TMEM168: variants seen among roughly 807,000 people sequenced by gnomAD.
The protein encoded by TMEM168 is transmembrane protein 168.
A neutral mutation model predicts 53.2 loss-of-function variants in TMEM168; 40 were observed. That is an observed-to-expected ratio of 0.75 (90% CI 0.58 to 0.98). The LOEUF is 0.98. Ranked by LOEUF, TMEM168 falls within the 50% of genes least tolerant of loss-of-function variation. The pLI is 0.00. For missense variants in TMEM168, 771 were observed against 828.8 expected, an observed-to-expected ratio of 0.93 and a Z score of 0.86; for synonymous variants, 282 against 293.0, an observed-to-expected ratio of 0.96 and a Z score of 0.38.
intron 4 of TMEM168, among the ~76,000 whole-genome samples, chr7:112,769,418 A>G (rs1584435350): frequency 6.6e-6 from 1 of 152,206 alleles, no homozygotes; most frequent in Admixed American, 6.5e-5. Flanking sequence ...AGAAGATGAC[A>G]CAGATTACAA....
At chr7:112,779,823 T>G (rs1325789684) in intron 2 of TMEM168, among the ~76,000 whole-genome samples, 1 of 152,236 alleles carries the variant, frequency 6.6e-6, no homozygotes, top group Non-Finnish European at 1.5e-5. Context: ...ATTTTTAAAA[T>G]GTAACATTTA....
At chr7:112,773,105 T>A in intron 3 of TMEM168, 50 bp from the exon 4 acceptor site, 1 of 1,516,978 alleles carries the variant, frequency 6.6e-7, no homozygotes, top group South Asian at 1.3e-5. Flanking sequence ...CACATTCTCA[T>A]CTGTCATTTG....
rs772721466 is a variant in TMEM168 at position 112,767,182 on chromosome 7, G to T, written c.*15C>A. 6.3e-7 allele frequency: 1 copy of T among 1,599,108 alleles called. No individual in the cohort carries two copies. Among genetic ancestry groups the T allele is most frequent in the Admixed American group, 1.7e-5 (1 of 58,048 alleles). On this transcript the variant is annotated 3_prime_UTR_variant, in exon 5 of 5. Transcript: ENST00000312814. ...TAGTATGAGTGCTTATTAATATCCCGCTTTGGGGTCCAAATTAAGATTTGA... is the reference window on the plus strand; with the variant it reads ...TAGTATGAGTGCTTATTAATATCCCTCTTTGGGGTCCAAATTAAGATTTGA...
intron 4 of TMEM168, among the ~76,000 whole-genome samples, chr7:112,772,452 A>G (rs1025510162): frequency 6.6e-6 from 1 of 152,214 alleles, no homozygotes; most frequent in Non-Finnish European, 1.5e-5. Context: ...ATCTGCATCC[A>G]TAACATTTAA....
intron 1 of TMEM168, among the ~76,000 whole-genome samples, chr7:112,785,826 T>C (rs2116308053): frequency 6.6e-6 from 1 of 152,264 alleles, no homozygotes; most frequent in African/African-American, 2.4e-5. Flanking sequence ...CTATAATAAT[T>C]CTTCAAAATT....
intron 2 of TMEM168, chr7:112,778,578 T>A (rs1793152134): frequency 6.6e-6 from 1 of 152,212 alleles, no homozygotes; most frequent in African/African-American, 2.4e-5. Flanking sequence ...CTTCTCAATC[T>A]TCAGTATGTT....
Position 112,783,781 on chromosome 7 carries a change from TC to T in TMEM168, c.1044del (p.Met349CysfsTer6), listed in dbSNP as rs1224259658. ...TCTGAAATCAAGCAAAAATGGCGCA[TC>T]CCTTTGGATGCCATGATTCTATCAA... Reference protein sequence around the residue: ...NSLDRIMASKGMRHFCLISEQ... With the variant: ...NSLDRIMASKXMRHFCLISEQ... On this transcript the variant is annotated frameshift_variant, in exon 2 of 5. Transcript: ENST00000312814. LOFTEE classifies it high-confidence loss of function. 1 of 1,587,716 alleles carries T rather than the reference TC, an allele frequency of 6.3e-7. No homozygotes were observed. The highest frequency in any genetic ancestry group is 1.4e-5 in the African/African-American group (1 of 73,672).
rs934376309 is a variant in TMEM168 at position 112,784,580 on chromosome 7, A to G, written c.246T>C (p.Tyr82=). 5 of 1,613,820 alleles carry G rather than the reference A, an allele frequency of 3.1e-6. No homozygotes were observed. The Admixed American group carries it at 8.3e-5, about 27-fold the overall frequency. ...LFVLGIASIL[Y]YYFSMEAASL... is the part of the protein sequence containing the mutation. ...TTGCTGCTTCCATTGAAAAATAGTAATAGAGTATGCTGGCGATTCCAAGAA... is the reference window on the plus strand; with the variant it reads ...TTGCTGCTTCCATTGAAAAATAGTAGTAGAGTATGCTGGCGATTCCAAGAA... Residue 82 remains tyrosine, a synonymous_variant, in exon 2 of 5, where the codon TAT becomes TAC. Transcript: ENST00000312814.
chr7:112,780,477 T>C (rs568532790), intron 2 of TMEM168, among the ~76,000 whole-genome samples: 2 of 152,294 alleles, frequency 1.3e-5, no homozygotes, highest in South Asian at 4.1e-4. Flanking sequence ...GGAACATCCA[T>C]ACAATGGGAT....
chr7:112,785,207 G>A (rs747890377), intron 1 of TMEM168, among the ~76,000 whole-genome samples: 3 of 152,190 alleles, frequency 2.0e-5, no homozygotes, highest in Non-Finnish European at 4.4e-5. Context: ...AGATGGTGAA[G>A]AATTCACCTA....
Position 112,763,386 on chromosome 7 carries a change from G to A in TMEM168, c.*3811C>T, listed in dbSNP as rs1438870466. 6.6e-6 allele frequency: 1 copy of A among 151,966 alleles called. No homozygotes were observed. The highest frequency in any genetic ancestry group is 6.6e-5 in the Admixed American group (1 of 15,250). 9.4% of individuals were successfully genotyped at this position (151,966 alleles called of 1,614,324 possible). ...ATTCCAATTTCTCCTTAGGATTCTA[G>A]ATTTATTCACTCAGTCCAAAATATT... On this transcript the variant is annotated 3_prime_UTR_variant, in exon 5 of 5. Transcript: ENST00000312814.
In TMEM168 at chr7:112,765,819, T is replaced by C. The variant is rs1285882278; in HGVS notation, c.*1378A>G. Reference sequence around the variant, plus strand: ...TCAGACTATAACAATGCTGCATAGATAGTGGTATACAAGTTCCCTGACTCT... The same window carrying C: ...TCAGACTATAACAATGCTGCATAGACAGTGGTATACAAGTTCCCTGACTCT... On this transcript the variant is annotated 3_prime_UTR_variant, in exon 5 of 5. Coordinates refer to ENST00000312814, the MANE Select transcript of TMEM168 (RefSeq NM_022484.6). The C allele has an allele frequency of 6.6e-6, 1 of 151,818 alleles. No homozygotes were observed. The highest frequency in any genetic ancestry group is 1.5e-5 in the Non-Finnish European group (1 of 68,016). The allele number at this position is 151,818 out of a possible 1,614,324, so 9.4% of individuals were successfully genotyped here. A position where few individuals can be genotyped will look rare whatever the true frequency, so the allele number is the denominator to read the frequency against.
In TMEM168 at chr7:112,764,688, A is replaced by G. The variant is rs1322284531; in HGVS notation, c.*2509T>C. 1 of 151,472 alleles carries G rather than the reference A, an allele frequency of 6.6e-6. No homozygotes were observed. The highest frequency in any genetic ancestry group is 1.5e-5 in the Non-Finnish European group (1 of 68,040). The allele number at this position is 151,472 out of a possible 1,614,324, so 9.4% of individuals were successfully genotyped here. On this transcript the variant is annotated 3_prime_UTR_variant, in exon 5 of 5. Coordinates refer to ENST00000312814, the MANE Select transcript of TMEM168 (RefSeq NM_022484.6). ...GCTGATTTTTTTATTTTTAGTAGAG[A>G]TGGGGTTTCACCATGTTGGCCAGAT...
Position 112,765,200 on chromosome 7 carries a change from C to A in TMEM168, c.*1997G>T, listed in dbSNP as rs1448614544. Reference sequence around the variant, plus strand: ...TTTTGTTTGTTTGGGTAGGAGAATTCATCAAAGTGGACATTCTATAAATTT... The same window carrying A: ...TTTTGTTTGTTTGGGTAGGAGAATTAATCAAAGTGGACATTCTATAAATTT... On this transcript the variant is annotated 3_prime_UTR_variant, in exon 5 of 5. Transcript: ENST00000312814. 6.6e-6 allele frequency: 1 copy of A among 152,188 alleles called. No individual in the cohort carries two copies. The highest frequency in any genetic ancestry group is 2.4e-5 in the African/African-American group (1 of 41,452). The allele number at this position is 152,188 out of a possible 1,614,324, so 9.4% of individuals were successfully genotyped here. A position where few individuals can be genotyped will look rare whatever the true frequency, so the allele number is the denominator to read the frequency against.
In TMEM168 at chr7:112,765,744, A is replaced by C. The variant is rs1367889752; in HGVS notation, c.*1453T>G. 1 of 152,632 alleles carries C rather than the reference A, an allele frequency of 6.6e-6. No homozygotes were observed. The highest frequency in any genetic ancestry group is 1.5e-5 in the Non-Finnish European group (1 of 68,020). The allele number at this position is 152,632 out of a possible 1,614,324, so 9.5% of individuals were successfully genotyped here. A position where few individuals can be genotyped will look rare whatever the true frequency, so the allele number is the denominator to read the frequency against. ...ATTAAATAAAAAATTAATTTTTAAC[A>C]AAATTTTATTTAGAGCATTAGGAAA... On this transcript the variant is annotated 3_prime_UTR_variant, in exon 5 of 5. Coordinates refer to ENST00000312814, the MANE Select transcript of TMEM168 (RefSeq NM_022484.6).
In TMEM168 at chr7:112,767,449, T is replaced by C. The variant is rs766590057; in HGVS notation, c.1842A>G (p.Ala614=). The change falls in exon 5 of 5, where the codon GCA becomes GCG. Residue 614 remains alanine (A), a synonymous_variant. Coordinates refer to ENST00000312814, the MANE Select transcript of TMEM168 (RefSeq NM_022484.6). ...TCCACCGTTTTGACACACCATATAC[T>C]GCTTTCACTGTGCGTCCCTTTTCAG... ...CWTEKGRTVK[A]VYGVSKRWSD... is the part of the protein sequence containing the mutation. 1 of 1,614,204 alleles carries C rather than the reference T, an allele frequency of 6.2e-7. No homozygotes were observed.
chr7:112,768,883 A>G (rs1388870087), intron 4 of TMEM168, among the ~76,000 whole-genome samples: 1 of 152,232 alleles, frequency 6.6e-6, no homozygotes, highest in African/African-American at 2.4e-5. Flanking sequence ...AGGAAATCTT[A>G]TAACAAAATA....
chr7:112,784,368 A>G lies in TMEM168; in HGVS notation c.458T>C (p.Leu153Ser). 6.2e-7 allele frequency: 1 copy of G among 1,614,220 alleles called. No homozygotes were observed. The highest frequency in any genetic ancestry group is 8.5e-7 in the Non-Finnish European group (1 of 1,180,034). ...CTCCAGAAATTCAACTGTGGTTAGTAAAGTGGGCCGATGACGGACATAACC... is the reference window on the plus strand; with the variant it reads ...CTCCAGAAATTCAACTGTGGTTAGTGAAGTGGGCCGATGACGGACATAACC... ...ISGYVRHRPTLLTTVEFLELV... is the reference protein window; with the variant it reads ...ISGYVRHRPTSLTTVEFLELV... The change falls in exon 2 of 5, where the codon TTA (leucine) becomes TCA (serine). Residue 153 changes from leucine to serine, a missense_variant. Coordinates refer to ENST00000312814, the MANE Select transcript of TMEM168 (RefSeq NM_022484.6).
chr7:112,787,400 G>A (rs1466866037), intron 1 of TMEM168, among the ~76,000 whole-genome samples: 1 of 151,764 alleles, frequency 6.6e-6, no homozygotes, highest in Admixed American at 6.6e-5. Context: ...GGGAAGGGGG[G>A]ACGGAGTCTC....
Sources: gnomAD v4.1 joint callset for allele counts (sites outside exome capture counted in the v4.1 genomes callset) on GRCh38, gnomAD v4.1.1 for gene constraint, MANE v1.5 for transcripts, NCBI Gene and HGNC (gene_info 2026-07-23, HGNC 2026-07-21) for gene names.